LMNB1: variants seen among roughly 807,000 people sequenced by gnomAD.
LMNB1 encodes lamin-B1.
LMNB1 carries 23 observed loss-of-function variants against 67.1 expected under a neutral mutation model. That is an observed-to-expected ratio of 0.34 (90% CI 0.25 to 0.49). The LOEUF (loss-of-function observed/expected upper bound fraction) is 0.49, where lower values mean the gene tolerates loss of function less well. LMNB1 is among the 20% of genes least tolerant of loss of function. The pLI is 0.99. For synonymous variants in LMNB1, 281 were observed against 282.9 expected (o/e 0.99, Z 0.07); for missense variants, 634 against 746.5 (o/e 0.85, Z 1.76).
chr5:126,781,679 A>G (rs1237031735), intron 1 of LMNB1, among the ~76,000 whole-genome samples: 4 of 151,966 alleles, frequency 2.6e-5, no homozygotes, highest in Non-Finnish European at 5.9e-5. Context: ...CAGGTGATCC[A>G]CCCACCTCGG....
intron 9 of LMNB1, among the ~76,000 whole-genome samples, chr5:126,832,365 G>A (rs1305510359): frequency 6.6e-6 from 1 of 152,030 alleles, no homozygotes; most frequent in African/African-American, 2.4e-5. Context: ...CTGGAGTGCA[G>A]TGGCGTGATC....
In LMNB1 at chr5:126,795,145, T is replaced by TTTTTTTTA. The variant is rs1554113293; in HGVS notation, c.360-9631_360-9630insTTTTTTTA. On this transcript the variant is annotated intron_variant, in intron 1 of 10. Transcript: ENST00000261366. ...ATTCCTTTTCCTTTTTTTTTTTTTTTAAATAAGGATCTTGCTCTGTTGCCC... is the reference window on the plus strand; with the variant it reads ...ATTCCTTTTCCTTTTTTTTTTTTTTTTTTTTTTAAAATAAGGATCTTGCTCTGTTGCCC... Among the ~76,000 whole-genome samples, 10 of 150,382 alleles carry TTTTTTTTA rather than the reference T, an allele frequency of 6.6e-5. No individual in the cohort carries two copies. In the South Asian group the frequency reaches 2.1e-3, roughly 32 times the overall value.
chr5:126,787,441 GTA>G (rs1750818218), intron 1 of LMNB1, among the ~76,000 whole-genome samples: 2 of 144,356 alleles, frequency 1.4e-5, no homozygotes, highest in African/African-American at 2.6e-5. Context: ...CATCTTATAT[GTA>G]TATGTTATAT....
In LMNB1 at chr5:126,777,601, G is replaced by A. The variant is rs1235123295; in HGVS notation, c.93G>A (p.Gln31=). ...PLSPTRLSRL[Q]EKEELRELND... is the part of the protein sequence containing the mutation. The stretch of plus-strand genomic sequence containing the variant: ...GCCCCACGCGCCTGTCGCGGCTCCA[G>A]GAGAAGGAGGAGCTGCGCGAGCTCA... The change falls in exon 1 of 11, where the codon CAG becomes CAA. Residue 31 remains glutamine (Q), a synonymous_variant. Transcript: ENST00000261366. The A allele has an allele frequency of 1.5e-5, 23 of 1,534,810 alleles. 1 individual carries two copies. The Admixed American group carries it at 4.0e-4, about 27-fold the overall frequency.
At chr5:126,784,198 AT>A (rs201568239) in intron 1 of LMNB1, among the ~76,000 whole-genome samples, 13 of 134,872 alleles carry the variant, frequency 9.6e-5, no homozygotes, top group South Asian at 4.7e-4. Context: ...CTGATTTTGT[AT>A]TTTTTTTTTA....
chr5:126,789,188 G>A (rs570620857), intron 1 of LMNB1, among the ~76,000 whole-genome samples: 1 of 152,142 alleles, frequency 6.6e-6, no homozygotes, highest in African/African-American at 2.4e-5. Flanking sequence ...TGTCTGGCGG[G>A]AGGGAGGCAT....
At chr5:126,799,923 C>A (rs1394844552) in intron 1 of LMNB1, among the ~76,000 whole-genome samples, 1 of 152,184 alleles carries the variant, frequency 6.6e-6, no homozygotes, top group Non-Finnish European at 1.5e-5. Flanking sequence ...TCTTCAGTGC[C>A]TGGTACAATG....
chr5:126,827,585 C>T (rs560547758), intron 9 of LMNB1, among the ~76,000 whole-genome samples: 6 of 152,176 alleles, frequency 3.9e-5, no homozygotes, highest in African/African-American at 1.2e-4. Context: ...TGCTTGAACT[C>T]GGGATGAGCT....
rs960310652 is a variant in LMNB1, at chr5:126,777,307, T to TC, written c.-195dup. On this transcript the variant is annotated 5_prime_UTR_variant, in exon 1 of 11. Coordinates refer to ENST00000261366, the MANE Select transcript of LMNB1 (RefSeq NM_005573.4). ...CGCGATCGATCGATTGATTCGTAGT[T>TC]CCCCCCCGCGCGCCTTTGCCCTTTG... is the stretch of plus-strand genomic sequence containing the variant. 39 of 408,374 alleles carry TC rather than the reference T, an allele frequency of 9.6e-5. No homozygotes were observed. The highest frequency in any genetic ancestry group is 1.2e-4 in the Non-Finnish European group (30 of 241,622). 25.3% of individuals were successfully genotyped at this position (408,374 alleles called of 1,614,324 possible). A position where few individuals can be genotyped will look rare whatever the true frequency, so the allele number is the denominator to read the frequency against.
chr5:126,795,881 C>T (rs1309535142), intron 1 of LMNB1, among the ~76,000 whole-genome samples: 1 of 150,206 alleles, frequency 6.7e-6, no homozygotes, highest in Non-Finnish European at 1.5e-5. Flanking sequence ...CTTCCTTGGC[C>T]TCCCAAAGTG....
rs375104148 is a variant in LMNB1, at chr5:126,826,074, T to C, written c.1578T>C (p.Asp526=). ...AGAACTCGTGGGGCACTGGCGAAGA[T>C]GTGAAGGTTATATTGAAAAATTCTC... ...KNQNSWGTGE[D]VKVILKNSQG... is the part of the protein sequence containing the mutation. Residue 526 remains aspartate, a synonymous_variant, in exon 9 of 11, where the codon GAT becomes GAC. Transcript: ENST00000261366. 2 of 1,614,002 alleles carry C rather than the reference T, an allele frequency of 1.2e-6. No individual in the cohort carries two copies.
At chr5:126,810,454 G>T in intron 4 of LMNB1, 104 bp downstream of exon 4, 1 of 870,682 alleles carries the variant, frequency 1.1e-6, no homozygotes, top group Non-Finnish European at 1.7e-6. Context: ...TTTTAAAAAT[G>T]ATTCCCCTAG....
intron 5 of LMNB1, among the ~76,000 whole-genome samples, chr5:126,816,134 G>C (rs1375682583): frequency 6.6e-6 from 1 of 151,678 alleles, no homozygotes; most frequent in Non-Finnish European, 1.5e-5. Context: ...GAAAATACAA[G>C]GAACATGGTA....
chr5:126,822,685 C>T (rs1242946258), intron 7 of LMNB1, 96 bp from the exon 8 acceptor site: 1 of 663,916 alleles, frequency 1.5e-6, no homozygotes, highest in East Asian at 3.0e-5. Context: ...ATAAAGCGGT[C>T]TTAGTTTAAC....
chr5:126,783,822 T>C (rs539195855), intron 1 of LMNB1, among the ~76,000 whole-genome samples: 53 of 151,270 alleles, frequency 3.5e-4, no homozygotes, highest in Middle Eastern at 3.4e-3. Context: ...ATCTTCAGAC[T>C]TTTTTTTTAT....
At chr5:126,794,214 C>A (rs562026315) in intron 1 of LMNB1, among the ~76,000 whole-genome samples, 1 of 152,152 alleles carries the variant, frequency 6.6e-6, no homozygotes, top group African/African-American at 2.4e-5. Context: ...AGTGAACCAC[C>A]GTGCCTGGCC....
At chr5:126,812,099 T>C (rs980815283) in intron 5 of LMNB1, among the ~76,000 whole-genome samples, 4 of 152,216 alleles carry the variant, frequency 2.6e-5, no homozygotes, top group Non-Finnish European at 5.9e-5. Flanking sequence ...GATACTATTG[T>C]TCCTAATTAG....
chr5:126,786,113 T>C (rs1429359159), intron 1 of LMNB1, among the ~76,000 whole-genome samples: 4 of 15,910 alleles, frequency 2.5e-4, no homozygotes, highest in African/African-American at 2.9e-4. Flanking sequence ...AGACATTATC[T>C]TTTTTTTTTT....
rs1488101156 is a variant in LMNB1 at position 126,811,840 on chromosome 5, T to C, written c.881T>C (p.Met294Thr). 2 of 1,613,006 alleles carry C rather than the reference T, an allele frequency of 1.2e-6. No individual in the cohort carries two copies. The highest frequency in any genetic ancestry group is 1.1e-5 in the South Asian group (1 of 91,034). ...STVNSAREEL[M>T]ESRMRIESLS... Reference sequence around the variant, plus strand: ...GTCAACAGTGCCAGGGAAGAACTGATGGAAAGCCGCATGAGAATTGAGAGC... The same window carrying C: ...GTCAACAGTGCCAGGGAAGAACTGACGGAAAGCCGCATGAGAATTGAGAGC... Residue 294 changes from methionine to threonine, a missense_variant, in exon 5 of 11, where the codon ATG (methionine) becomes ACG (threonine). Physicochemically the swap from Met to Thr is moderately conservative, Grantham distance 81. Coordinates refer to ENST00000261366, the MANE Select transcript of LMNB1 (RefSeq NM_005573.4).
Sources: gnomAD v4.1 joint callset for allele counts (sites outside exome capture counted in the v4.1 genomes callset) on GRCh38, gnomAD v4.1.1 for gene constraint, MANE v1.5 for transcripts, NCBI Gene and HGNC (gene_info 2026-07-23, HGNC 2026-07-21) for gene names.